Variants in NTNG1 observed in about 807,000 individuals in gnomAD.
NTNG1 encodes the protein netrin G1, also known as netrin-G1.
A neutral mutation model predicts 54.0 loss-of-function variants in NTNG1; 16 were observed. That is an observed-to-expected ratio of 0.30 (90% CI 0.20 to 0.45). The LOEUF (loss-of-function observed/expected upper bound fraction) is 0.45. NTNG1 is among the 20% of genes least tolerant of loss of function. The probability of loss-of-function intolerance (pLI) is 1.00; values close to 1 mark genes in which losing one functional copy is unlikely to be tolerated. For synonymous variants in NTNG1, 255 were observed against 263.1 expected, an observed-to-expected ratio of 0.97 and a Z score of 0.30; for missense variants, 530 against 678.7, an observed-to-expected ratio of 0.78 and a Z score of 2.43.
intron 2 of NTNG1, among the ~76,000 whole-genome samples, chr1:107,301,556 A>G (rs1185584899): frequency 1.3e-5 from 2 of 152,190 alleles, no homozygotes; most frequent in Non-Finnish European, 2.9e-5. Context: ...TAAATTTTCC[A>G]CTGCAGTAAT....
intron 7 of NTNG1, among the ~76,000 whole-genome samples, chr1:107,474,222 G>C (rs887865000): frequency 6.6e-6 from 1 of 152,112 alleles, no homozygotes; most frequent in Non-Finnish European, 1.5e-5. Flanking sequence ...CTCTAAGACT[G>C]TCAATAACAA....
rs375308654 is a variant in NTNG1, at chr1:107,484,010, A to T, written c.*3170A>T. 2.0e-5 allele frequency among the ~76,000 whole-genome samples: 3 copies of T among 152,290 alleles called. No homozygotes were observed. The East Asian group carries it at 5.8e-4, about 29-fold the overall frequency. Reference sequence around the variant, plus strand: ...CTCCAGCTTTCTCCCAGATATCAGGAACCTAGAGTTTCCTACTCAGATAAC... The same window carrying T: ...CTCCAGCTTTCTCCCAGATATCAGGTACCTAGAGTTTCCTACTCAGATAAC... On this transcript the variant is annotated 3_prime_UTR_variant, in exon 8 of 8. Coordinates refer to ENST00000370068, the MANE Select transcript of NTNG1 (RefSeq NM_001113226.3).
chr1:107,402,223 G>T (rs185012733), intron 4 of NTNG1, among the ~76,000 whole-genome samples: 1 of 152,126 alleles, frequency 6.6e-6, no homozygotes, highest in African/African-American at 2.4e-5. Context: ...AGGTTGCTTG[G>T]TGAGCATGGG....
At chr1:107,433,865 T>A (rs2101354588) in intron 6 of NTNG1, among the ~76,000 whole-genome samples, 1 of 152,314 alleles carries the variant, frequency 6.6e-6, no homozygotes, top group South Asian at 2.1e-4. Flanking sequence ...TCTGGCTCCT[T>A]TGCTAAGGTT....
At chr1:107,421,133 C>G (rs781356622) in intron 5 of NTNG1, 2 of 1,606,960 alleles carry the variant, frequency 1.2e-6, no homozygotes, top group South Asian at 2.2e-5. Context: ...AAGTTGCAAA[C>G]CACAAGAGAG....
intron 5 of NTNG1, among the ~76,000 whole-genome samples, chr1:107,422,790 C>G (rs576767832): frequency 6.6e-6 from 1 of 152,018 alleles, no homozygotes; most frequent in East Asian, 1.9e-4. Context: ...TTTGAATTAG[C>G]TTTCCTCATT....
chr1:107,335,426 C>T (rs1019733345), intron 3 of NTNG1, among the ~76,000 whole-genome samples: 1 of 151,952 alleles, frequency 6.6e-6, no homozygotes, highest in Non-Finnish European at 1.5e-5. Flanking sequence ...GACATGGAAA[C>T]AGGCAGTGGC....
chr1:107,327,034 T>C (rs990163168), intron 3 of NTNG1, among the ~76,000 whole-genome samples: 2 of 152,178 alleles, frequency 1.3e-5, no homozygotes, highest in Admixed American at 1.3e-4. Context: ...TCTGAGGAGT[T>C]TGGAGGGCTC....
chr1:107,459,504 C>T (rs973880790), intron 7 of NTNG1, among the ~76,000 whole-genome samples: 1 of 151,560 alleles, frequency 6.6e-6, no homozygotes, highest in African/African-American at 2.4e-5. Context: ...GAAAAAAAGG[C>T]AGGGGTAAAA....
intron 2 of NTNG1, among the ~76,000 whole-genome samples, chr1:107,204,469 C>A (rs1255037348): frequency 6.6e-6 from 1 of 152,100 alleles, no homozygotes; most frequent in Non-Finnish European, 1.5e-5. Flanking sequence ...GACCCTGAGA[C>A]TTCACAGAGA....
At chr1:107,193,684 T>C (rs1456406176) in intron 2 of NTNG1, among the ~76,000 whole-genome samples, 1 of 151,894 alleles carries the variant, frequency 6.6e-6, no homozygotes, top group Non-Finnish European at 1.5e-5. Context: ...GACTACAAGG[T>C]TTATATTTTT....
At chr1:107,411,121 A>G (rs924857539) in intron 5 of NTNG1, among the ~76,000 whole-genome samples, 1 of 152,178 alleles carries the variant, frequency 6.6e-6, no homozygotes, top group Non-Finnish European at 1.5e-5. Flanking sequence ...ATTACTTTCA[A>G]ATGACTGGCA....
intron 7 of NTNG1, among the ~76,000 whole-genome samples, chr1:107,460,170 T>TG (rs1677196067): frequency 6.6e-6 from 1 of 152,154 alleles, no homozygotes; most frequent in Non-Finnish European, 1.5e-5. Context: ...GAGTCACAGA[T>TG]GGTTAGTCTG....
In NTNG1 at chr1:107,360,811, G is replaced by A. The variant is rs771848508; in HGVS notation, c.888-34343G>A. Among the ~76,000 whole-genome samples the A allele has an allele frequency of 2.4e-4, 37 of 152,198 alleles. 1 individual carries two copies. Among genetic ancestry groups the A allele is most frequent in the East Asian group, 1.9e-3 (10 of 5,180 alleles). On this transcript the variant is annotated intron_variant, in intron 3 of 7. Transcript: ENST00000370068. ...AATATATGGTCCTTGACTCATAGCC[G>A]AGAGGCTACTTTCTAACATCTAGTC...
At chr1:107,448,839 A>G (rs1488095896) in intron 7 of NTNG1, among the ~76,000 whole-genome samples, 2 of 152,036 alleles carry the variant, frequency 1.3e-5, no homozygotes, top group Non-Finnish European at 2.9e-5. Flanking sequence ...CAAGTAGCCT[A>G]TTTGTTTTCT....
intron 2 of NTNG1, among the ~76,000 whole-genome samples, chr1:107,321,987 A>T (rs1263540766): frequency 6.6e-6 from 1 of 152,180 alleles, no homozygotes; most frequent in African/African-American, 2.4e-5. Flanking sequence ...GATGAAAAGG[A>T]TTACCCAGGA....
At position 107,436,759 on chromosome 1, in the gene NTNG1, T is replaced by C; in HGVS notation, c.1350T>C (p.Asp450=). 1 of 1,613,520 alleles carries C rather than the reference T, an allele frequency of 6.2e-7. No individual in the cohort carries two copies. The highest frequency in any genetic ancestry group is 2.2e-5 in the East Asian group (1 of 44,792). ...CTGGAACAACAGGGCCTAAGTGTGA[T>C]GAGTGTCTGCCGGGAAATTCCTGGC... ...CKTGTTGPKC[D]ECLPGNSWHY... The change falls in exon 7 of 8, where the codon GAT becomes GAC. Residue 450 remains aspartate (D), a synonymous_variant. Transcript: ENST00000370068.
chr1:107,475,428 C>T (rs1678250531), intron 7 of NTNG1, among the ~76,000 whole-genome samples: 1 of 152,192 alleles, frequency 6.6e-6, no homozygotes, highest in Non-Finnish European at 1.5e-5. Flanking sequence ...GATTTTACTG[C>T]TTCTATGCAA....
intron 6 of NTNG1, among the ~76,000 whole-genome samples, chr1:107,434,321 A>G (rs1483600217): frequency 1.3e-5 from 2 of 152,326 alleles, no homozygotes; most frequent in African/African-American, 4.8e-5. Context: ...CTGCTTTGTA[A>G]TTACTGGTGA....
Sources: gnomAD v4.1 joint callset for allele counts (sites outside exome capture counted in the v4.1 genomes callset) on GRCh38, gnomAD v4.1.1 for gene constraint, MANE v1.5 for transcripts, NCBI Gene and HGNC (gene_info 2026-07-23, HGNC 2026-07-21) for gene names.